The following TPO variants were observed in gnomAD, a reference collection of about 807,000 sequenced individuals.
The protein encoded by TPO is thyroid peroxidase.
In TPO, 78 loss-of-function variants were observed where a neutral mutation model predicts 96.9. The ratio of observed to expected loss-of-function variants is 0.81; its 90% CI spans 0.67 to 0.97. TPO has a LOEUF of 0.97. TPO is among the 50% of genes least tolerant of loss of function. The probability of loss-of-function intolerance (pLI) is 0.00; values close to 1 mark genes in which losing one functional copy is unlikely to be tolerated. For missense variants in TPO, 1,252 were observed against 1,274.8 expected, an observed-to-expected ratio of 0.98 and a Z score of 0.27; for synonymous variants, 547 against 538.0, an observed-to-expected ratio of 1.02 and a Z score of -0.23.
chr2:1,433,807 G>A (rs73170212), intron 4 of TPO, among the ~76,000 whole-genome samples, 200 bp downstream of exon 4: 4,074 of 152,200 alleles, frequency 0.027, 196 homozygotes, highest in African/African-American at 0.092. Flanking sequence ...TTGTTACTCT[G>A]GAAAATAGCC....
chr2:1,438,386 C>T (rs189600808), intron 5 of TPO, among the ~76,000 whole-genome samples: 502 of 152,258 alleles, frequency 3.3e-3, no homozygotes, highest in Admixed American at 5.8e-3. Flanking sequence ...TGGGACTCTC[C>T]GTGGCCCGAA....
intron 1 of TPO, among the ~76,000 whole-genome samples, chr2:1,387,166 T>C (rs1453607679): frequency 6.6e-6 from 1 of 152,198 alleles, no homozygotes; most frequent in East Asian, 1.9e-4. Flanking sequence ...ATTTCAACTT[T>C]GGTGAATCTG....
rs972953717 is a variant in TPO at position 1,543,440 on chromosome 2, C to G, written c.*966C>G. On this transcript the variant is annotated 3_prime_UTR_variant, in exon 17 of 17. Coordinates refer to ENST00000329066, the MANE Select transcript of TPO (RefSeq NM_001206744.2). ...AGGCAGCACTGAATGATCTCACCCA[C>G]GAATGACAACAGTGGCACAGGAGGG... The G allele has an allele frequency of 6.6e-6, 1 of 152,192 alleles. No individual in the cohort carries two copies. Among genetic ancestry groups the G allele is most frequent in the Non-Finnish European group, 1.5e-5 (1 of 68,058 alleles). 9.4% of individuals were successfully genotyped at this position (152,192 alleles called of 1,614,324 possible).
At chr2:1,422,025 C>A (rs901162026) in intron 2 of TPO, among the ~76,000 whole-genome samples, 6 of 152,180 alleles carry the variant, frequency 3.9e-5, no homozygotes, top group African/African-American at 1.2e-4. Context: ...AGCCCCACAC[C>A]GGGGGGCTCT....
intron 4 of TPO, among the ~76,000 whole-genome samples, chr2:1,435,212 C>A (rs1665444727): frequency 6.6e-6 from 1 of 152,194 alleles, no homozygotes; most frequent in African/African-American, 2.4e-5. Flanking sequence ...GGATTACAGG[C>A]GTGAGCCACC....
At chr2:1,384,434 GT>G (rs1352898895) in intron 1 of TPO, among the ~76,000 whole-genome samples, 1 of 152,136 alleles carries the variant, frequency 6.6e-6, no homozygotes, top group Non-Finnish European at 1.5e-5. Flanking sequence ...CACATCCCTT[GT>G]AAGTTGGATT....
At chr2:1,480,558 C>CCACACACACACACACACA (rs1277829491) in intron 8 of TPO, among the ~76,000 whole-genome samples, 14 of 35,342 alleles carry the variant, frequency 4.0e-4, no homozygotes, top group South Asian at 8.8e-4. Flanking sequence ...CTCAAACCCC[C>CCACACACACACACACACA]TACACACACA....
At chr2:1,511,247 T>C (rs1674085935) in intron 14 of TPO, among the ~76,000 whole-genome samples, 1 of 138,600 alleles carries the variant, frequency 7.2e-6, no homozygotes, top group Admixed American at 7.3e-5. Flanking sequence ...AGACTGGGGG[T>C]GCCACAGCGC....
At chr2:1,519,458 T>C (rs531443404) in intron 15 of TPO, among the ~76,000 whole-genome samples, 51 of 152,274 alleles carry the variant, frequency 3.3e-4, no homozygotes, top group African/African-American at 1.1e-3. Flanking sequence ...GATTGAATAA[T>C]CACCTACTCT....
At chr2:1,523,805 C>A (rs1165393818) in intron 15 of TPO, among the ~76,000 whole-genome samples, 5 of 138,168 alleles carry the variant, frequency 3.6e-5, no homozygotes, top group South Asian at 5.1e-4. Context: ...GTGCAACCTC[C>A]CCAAATCCCC....
Position 1,414,412 on chromosome 2 carries a change from A to C in TPO, c.4A>C (p.Arg2=). Residue 2 remains arginine, a synonymous_variant, in exon 2 of 17, where the codon AGA becomes CGA. Transcript: ENST00000329066. M[R]ALAVLSVTLV... ...GTCTCCTTCCGTTAATTTTAGAATG[A>C]GAGCGCTCGCTGTGCTGTCTGTCAC... 1 of 1,613,500 alleles carries C rather than the reference A, an allele frequency of 6.2e-7. No individual in the cohort carries two copies. Among genetic ancestry groups the C allele is most frequent in the Non-Finnish European group, 8.5e-7 (1 of 1,179,750 alleles).
intron 5 of TPO, among the ~76,000 whole-genome samples, chr2:1,447,277 A>C (rs1277785179): frequency 1.3e-5 from 2 of 152,240 alleles, no homozygotes; most frequent in Non-Finnish European, 2.9e-5. Flanking sequence ...CTTGGTCTCC[A>C]CAACCTGTGT....
chr2:1,428,633 C>T lies in TPO; in HGVS notation c.180-4805C>T, dbSNP rs1664670189. On this transcript the variant is annotated intron_variant, in intron 3 of 16. Coordinates refer to ENST00000329066, the MANE Select transcript of TPO (RefSeq NM_001206744.2). ...AAAGAAGGGATGAGACAGGTGAGCCCTCGAGTGGGTGCAGGTGATGTTCTA... is the reference window on the plus strand; with the variant it reads ...AAAGAAGGGATGAGACAGGTGAGCCTTCGAGTGGGTGCAGGTGATGTTCTA... Among the ~76,000 whole-genome samples, 4 of 152,280 alleles carry T rather than the reference C, an allele frequency of 2.6e-5. No homozygotes were observed. The South Asian group carries it at 6.2e-4, about 24-fold the overall frequency.
intron 3 of TPO, among the ~76,000 whole-genome samples, chr2:1,424,906 T>C (rs11674711): frequency 0.018 from 892 of 49,764 alleles, 48 homozygotes; most frequent in East Asian, 0.046. Context: ...TTCTAGATGT[T>C]GGGATACAGA....
chr2:1,531,152 ACCTCC>A (rs1678095875), intron 15 of TPO, among the ~76,000 whole-genome samples: 44 of 74,934 alleles, frequency 5.9e-4, no homozygotes, highest in African/African-American at 3.1e-3. Context: ...ACTGTGTGCA[ACCTCC>A]CCAAATCCCC....
chr2:1,500,229 A>G (rs74360091), intron 13 of TPO, among the ~76,000 whole-genome samples: 1,743 of 152,360 alleles, frequency 0.011, 32 homozygotes, highest in African/African-American at 0.04. Context: ...GAACCTGTTA[A>G]TACTGGAGAC....
At chr2:1,444,069 T>A (rs2148537125) in intron 5 of TPO, among the ~76,000 whole-genome samples, 1 of 144,632 alleles carries the variant, frequency 6.9e-6, no homozygotes, top group Admixed American at 6.9e-5. Flanking sequence ...ATCCAGTCAT[T>A]GCTGCGGGAG....
chr2:1,416,302 T>C (rs1354427481), intron 2 of TPO, among the ~76,000 whole-genome samples: 1 of 152,254 alleles, frequency 6.6e-6, no homozygotes, highest in Admixed American at 6.5e-5. Flanking sequence ...GTTTGTAAAT[T>C]AATTACTTTG....
At chr2:1,526,017 TCCC>T (rs1676394220) in intron 15 of TPO, among the ~76,000 whole-genome samples, 1 of 34,748 alleles carries the variant, frequency 2.9e-5, no homozygotes, top group Non-Finnish European at 5.6e-5. Flanking sequence ...GTGTGCAACC[TCCC>T]CAAATCCGCC....
Sources: allele counts gnomAD v4.1 joint callset (sites outside exome capture counted in the v4.1 genomes callset), GRCh38; gene constraint gnomAD v4.1.1; transcripts MANE v1.5; gene names NCBI Gene and HGNC (gene_info 2026-07-23, HGNC 2026-07-21).